Variants in SPAG16 observed in about 807,000 individuals in gnomAD.
The protein encoded by SPAG16 is sperm-associated antigen 16 protein.
A neutral mutation model predicts 80.4 loss-of-function variants in SPAG16; 86 were observed. The observed-to-expected ratio is 1.07, with a 90% confidence interval of 0.90 to 1.28. The LOEUF (loss-of-function observed/expected upper bound fraction) is 1.28, where lower values mean the gene tolerates loss of function less well. Among genes scored for constraint, SPAG16 ranks in the 50% most tolerant of loss-of-function variants. SPAG16 has a pLI of 0.00. For missense variants in SPAG16, 870 were observed against 765.3 expected, an observed-to-expected ratio of 1.14 and a Z score of -1.61; for synonymous variants, 294 against 265.9, an observed-to-expected ratio of 1.11 and a Z score of -1.03.
At chr2:213,703,045 G>T (rs919611480) in intron 10 of SPAG16, among the ~76,000 whole-genome samples, 2 of 152,212 alleles carry the variant, frequency 1.3e-5, no homozygotes, top group African/African-American at 4.8e-5. Context: ...TAGAAGTGGA[G>T]GGTGTCACTT....
intron 3 of SPAG16, among the ~76,000 whole-genome samples, chr2:213,308,887 T>A (rs995240293): frequency 6.6e-6 from 1 of 152,132 alleles, no homozygotes; most frequent in African/African-American, 2.4e-5. Flanking sequence ...TTAACAAATA[T>A]AAAGTTCCAA....
chr2:213,304,252 G>A (rs766242335), intron 3 of SPAG16, among the ~76,000 whole-genome samples: 3 of 151,982 alleles, frequency 2.0e-5, no homozygotes, highest in Non-Finnish European at 4.4e-5. Context: ...AGTTGTTTGA[G>A]CTCCTTATAT....
chr2:214,290,491 CT>C (rs1053002060), intron 15 of SPAG16, among the ~76,000 whole-genome samples: 3 of 152,086 alleles, frequency 2.0e-5, no homozygotes, highest in African/African-American at 7.2e-5. Context: ...AATCTTTCTA[CT>C]TTTTAAATGT....
chr2:214,291,407 G>A (rs1260480529), intron 15 of SPAG16, among the ~76,000 whole-genome samples: 5 of 131,040 alleles, frequency 3.8e-5, no homozygotes, highest in African/African-American at 1.4e-4. Flanking sequence ...CCGGGTTCAC[G>A]CCATTCTCCT....
chr2:213,421,563 G>T (rs1166788349), intron 9 of SPAG16, among the ~76,000 whole-genome samples: 1 of 152,202 alleles, frequency 6.6e-6, no homozygotes, highest in Non-Finnish European at 1.5e-5. Flanking sequence ...TGGGGGCCAG[G>T]CTCCCAATTC....
At chr2:213,464,395 T>C (rs979561666) in intron 9 of SPAG16, among the ~76,000 whole-genome samples, 2 of 152,196 alleles carry the variant, frequency 1.3e-5, no homozygotes, top group Non-Finnish European at 2.9e-5. Context: ...GATGGTACTG[T>C]ATACCTAGTG....
chr2:213,682,615 A>T (rs2064451834), intron 10 of SPAG16, among the ~76,000 whole-genome samples: 1 of 152,060 alleles, frequency 6.6e-6, no homozygotes, highest in African/African-American at 2.4e-5. Context: ...TGTGCACAGG[A>T]GAGTTTTATT....
intron 9 of SPAG16, among the ~76,000 whole-genome samples, chr2:213,423,476 A>T (rs757880049): frequency 1.3e-5 from 2 of 152,222 alleles, no homozygotes; most frequent in Non-Finnish European, 2.9e-5. Context: ...GGTTGGTCAC[A>T]TACTAGCTGT....
intron 6 of SPAG16, among the ~76,000 whole-genome samples, chr2:213,346,196 G>A (rs2064976388): frequency 6.6e-6 from 1 of 152,102 alleles, no homozygotes; most frequent in African/African-American, 2.4e-5. Context: ...TGTTATTGGT[G>A]TATAAGAATG....
intron 9 of SPAG16, among the ~76,000 whole-genome samples, chr2:213,472,611 C>T (rs1169903748): frequency 1.3e-5 from 2 of 152,204 alleles, no homozygotes; most frequent in African/African-American, 4.8e-5. Context: ...ATAGCCCTCA[C>T]CTTACCTGTC....
intron 12 of SPAG16, among the ~76,000 whole-genome samples, chr2:213,986,617 G>C (rs529898627): frequency 1.3e-5 from 2 of 151,878 alleles, no homozygotes; most frequent in African/African-American, 4.8e-5. Flanking sequence ...AAAATGATTT[G>C]TTAGAAAACA....
chr2:214,007,081 CAT>C (rs2047060225), intron 12 of SPAG16, among the ~76,000 whole-genome samples: 2 of 152,072 alleles, frequency 1.3e-5, no homozygotes, highest in Admixed American at 1.3e-4. Context: ...TGTAAGGACA[CAT>C]ATTACTAGAT....
chr2:214,369,092 T>C (rs1400885047), intron 15 of SPAG16, among the ~76,000 whole-genome samples: 1 of 152,092 alleles, frequency 6.6e-6, no homozygotes, highest in Admixed American at 6.6e-5. Flanking sequence ...ATTATATCCA[T>C]TTATAATCCA....
intron 10 of SPAG16, among the ~76,000 whole-genome samples, chr2:213,837,776 G>C (rs2074164274): frequency 6.6e-6 from 1 of 152,184 alleles, no homozygotes; most frequent in African/African-American, 2.4e-5. Context: ...GATTATCTGA[G>C]TAAACCCAAT....
intron 10 of SPAG16, among the ~76,000 whole-genome samples, chr2:213,834,874 A>C (rs1053967617): frequency 1.3e-5 from 2 of 152,172 alleles, no homozygotes; most frequent in Non-Finnish European, 2.9e-5. Context: ...CAGAGGAAGA[A>C]GGACTGATAG....
chr2:213,748,227 A>G (rs898127750), intron 10 of SPAG16, among the ~76,000 whole-genome samples: 1 of 152,178 alleles, frequency 6.6e-6, no homozygotes, highest in African/African-American at 2.4e-5. Context: ...AGAATATTTT[A>G]TGAAATACTT....
rs866269055 is a variant in SPAG16 at position 214,323,906 on chromosome 2, T to C, written c.1721-86234T>C. The stretch of plus-strand genomic sequence containing the variant: ...AACATTATATGTAAAGAAAGCTGCA[T>C]AAGAATAATTTTCCAAACTTGAATT... On this transcript the variant is annotated intron_variant, in intron 15 of 15. Transcript: ENST00000331683. Among the ~76,000 whole-genome samples, 7 of 152,340 alleles carry C rather than the reference T, an allele frequency of 4.6e-5. No individual in the cohort carries two copies. The South Asian group carries it at 1.4e-3, about 32-fold the overall frequency.
intron 10 of SPAG16, among the ~76,000 whole-genome samples, chr2:213,758,516 T>TA (rs1404018794): frequency 2.0e-5 from 3 of 151,592 alleles, no homozygotes; most frequent in South Asian, 2.1e-4. Context: ...CACAAGAAGT[T>TA]AAAAAAAATT....
chr2:213,974,895 C>A (rs1387435663), intron 12 of SPAG16, among the ~76,000 whole-genome samples: 2 of 147,128 alleles, frequency 1.4e-5, no homozygotes, highest in Non-Finnish European at 3.0e-5. Flanking sequence ...TCACATAGCA[C>A]TTTCTCCCTT....
Sources: gnomAD v4.1 joint callset for allele counts (sites outside exome capture counted in the v4.1 genomes callset) on GRCh38, gnomAD v4.1.1 for gene constraint, MANE v1.5 for transcripts, NCBI Gene and HGNC (gene_info 2026-07-23, HGNC 2026-07-21) for gene names.